The following TRAK1 variants were observed in gnomAD, a reference collection of about 807,000 sequenced individuals.
TRAK1 encodes the protein trafficking kinesin-binding protein 1.
Under a neutral mutation model 92.1 loss-of-function variants are expected in TRAK1, and 33 were observed. That is an observed-to-expected ratio of 0.36 (90% CI 0.27 to 0.48). The LOEUF is 0.48. Among genes scored for constraint, TRAK1 ranks in the 20% least tolerant of loss-of-function variants. The probability of loss-of-function intolerance (pLI) is 0.99; values close to 1 mark genes in which losing one functional copy is unlikely to be tolerated. For synonymous variants in TRAK1, 521 were observed against 517.3 expected (o/e 1.01, Z -0.10); for missense variants, 1,123 against 1,257.9 (o/e 0.89, Z 1.62).
At chr3:42,088,602 C>A (rs1053374690), upstream of TRAK1, among the ~76,000 whole-genome samples, 2 of 152,224 alleles carry the variant, frequency 1.3e-5, no homozygotes, top group East Asian at 1.9e-4. Context: ...TTTGCTTACT[C>A]TAGTTTTTCT....
intron 1 of TRAK1, among the ~76,000 whole-genome samples, chr3:42,095,565 A>G (rs1422321670): frequency 2.0e-5 from 3 of 152,228 alleles, no homozygotes; most frequent in African/African-American, 7.2e-5. Context: ...TTTTATGCAC[A>G]TATTCATTTT....
chr3:42,223,464 C>A lies in TRAK1; in HGVS notation c.2589C>A (p.Val863=). 1 of 1,613,968 alleles carries A rather than the reference C, an allele frequency of 6.2e-7. No individual in the cohort carries two copies. Among genetic ancestry groups the A allele is most frequent in the South Asian group, 1.1e-5 (1 of 91,078 alleles). The change falls in exon 16 of 16, where the codon GTC becomes GTA. Residue 863 remains valine, a synonymous_variant. Coordinates refer to ENST00000327628, the MANE Select transcript of TRAK1 (RefSeq NM_001042646.3). The surrounding 1 kb of genome is among the most constrained non-coding windows in gnomAD (Gnocchi z 6.1). Reference sequence around the variant, plus strand: ...TGGTGAACTCAGGGCGAGCCCATGTCCCCACCTTGACTGAGGAGCAGGGAC... The same window carrying A: ...TGGTGAACTCAGGGCGAGCCCATGTACCCACCTTGACTGAGGAGCAGGGAC... ...AKVVNSGRAH[V]PTLTEEQGPL...
intron 2 of TRAK1, among the ~76,000 whole-genome samples, chr3:42,170,759 TG>T (rs1176457113): frequency 2.6e-5 from 4 of 151,852 alleles, no homozygotes; most frequent in Non-Finnish European, 4.4e-5. Flanking sequence ...ATTAAAGAAA[TG>T]ACCTATATGT....
At chr3:42,063,845 A>G (rs2148928907) in intron 1 of TRAK1, among the ~76,000 whole-genome samples, 1 of 152,274 alleles carries the variant, frequency 6.6e-6, no homozygotes, top group South Asian at 2.1e-4. Flanking sequence ...TTTCCCCTTG[A>G]ATCTGCGTTG....
At chr3:42,140,768 G>A (rs1002305888) in intron 2 of TRAK1, among the ~76,000 whole-genome samples, 5 of 152,210 alleles carry the variant, frequency 3.3e-5, no homozygotes, top group African/African-American at 1.2e-4. Flanking sequence ...CCTCAAGGAC[G>A]GAAGGTTAGG....
At chr3:42,143,321 T>TTG (rs369475099) in intron 2 of TRAK1, among the ~76,000 whole-genome samples, 1 of 151,982 alleles carries the variant, frequency 6.6e-6, no homozygotes, top group Non-Finnish European at 1.5e-5. Flanking sequence ...TTTTTTTTTT[T>TTG]TCTTTCAAAT....
chr3:42,052,596 T>A (rs1703026272), intron 1 of TRAK1, among the ~76,000 whole-genome samples: 2 of 152,132 alleles, frequency 1.3e-5, no homozygotes, highest in Admixed American at 6.5e-5. Flanking sequence ...CATGATTCAG[T>A]CTTGAAGGAA....
At chr3:42,103,655 G>A (rs1031449301) in intron 1 of TRAK1, among the ~76,000 whole-genome samples, 8 of 152,148 alleles carry the variant, frequency 5.3e-5, no homozygotes, top group Non-Finnish European at 1.0e-4. Flanking sequence ...CAGCACTTTG[G>A]GAGGCTGAAG....
Position 42,096,903 on chromosome 3 carries a change from AATGC to A in TRAK1, c.91+5346_91+5349del, listed in dbSNP as rs1706012803. 2.0e-5 allele frequency among the ~76,000 whole-genome samples: 3 copies of A among 152,194 alleles called. 1 individual carries two copies. The South Asian group carries it at 6.2e-4, about 32-fold the overall frequency. On this transcript the variant is annotated intron_variant, in intron 1 of 15. Coordinates refer to ENST00000327628, the MANE Select transcript of TRAK1 (RefSeq NM_001042646.3). ...GGCTTAAACAGTGTGCAACAAGAAAAATGCATACAGTTTAAAGAATACACTTTGA... is the reference window on the plus strand; with the variant it reads ...GGCTTAAACAGTGTGCAACAAGAAAAATACAGTTTAAAGAATACACTTTGA...
intron 1 of TRAK1, among the ~76,000 whole-genome samples, chr3:42,092,435 A>G (rs771834518): frequency 7.9e-5 from 12 of 152,278 alleles, no homozygotes; most frequent in Non-Finnish European, 1.0e-4. Context: ...TACTGAGGCA[A>G]TCGTACTTAT....
At chr3:42,066,726 A>G (rs899558517) in intron 1 of TRAK1, among the ~76,000 whole-genome samples, 7 of 152,174 alleles carry the variant, frequency 4.6e-5, no homozygotes, top group Admixed American at 1.3e-4. Context: ...CTCTAAGGCC[A>G]TCTTGCCATC....
chr3:42,056,074 C>G (rs1321191486), intron 1 of TRAK1, among the ~76,000 whole-genome samples: 1 of 151,952 alleles, frequency 6.6e-6, no homozygotes, highest in East Asian at 1.9e-4. Context: ...TTAGTTTATC[C>G]TTTCATTAGT....
intron 4 of TRAK1, among the ~76,000 whole-genome samples, chr3:42,185,594 A>G (rs1376472769): frequency 2.6e-5 from 4 of 152,018 alleles, no homozygotes; most frequent in Admixed American, 6.6e-5. Flanking sequence ...GCTTCTTTCT[A>G]TCACTCTGTT....
intron 2 of TRAK1, among the ~76,000 whole-genome samples, chr3:42,171,924 T>TA (rs1468685482): frequency 5.9e-5 from 9 of 152,156 alleles, no homozygotes; most frequent in African/African-American, 2.2e-4. Context: ...CTGCTTTACT[T>TA]GTTTTCAGAC....
Position 42,136,692 on chromosome 3 carries a change from G to GT in TRAK1, c.286+11086dup, listed in dbSNP as rs771418344. 3.7e-4 allele frequency among the ~76,000 whole-genome samples: 56 copies of GT among 151,166 alleles called. 1 individual carries two copies. Among genetic ancestry groups the GT allele is most frequent in the South Asian group, 1.9e-3 (9 of 4,766 alleles). Reference sequence around the variant, plus strand: ...AATAACATTTCTTTTCTTTCTTTTTGTTTTTTTTGAGATGAAGTCTGGCTC... The same window carrying GT: ...AATAACATTTCTTTTCTTTCTTTTTGTTTTTTTTTGAGATGAAGTCTGGCTC... On this transcript the variant is annotated intron_variant, in intron 2 of 15. Transcript: ENST00000327628.
At position 42,102,899 on chromosome 3, in the gene TRAK1, G is replaced by A. The variant is rs1348914046; in HGVS notation, c.91+11339G>A. Among the ~76,000 whole-genome samples the A allele has an allele frequency of 3.9e-5, 6 of 152,122 alleles. No individual in the cohort carries two copies. The South Asian group carries it at 6.2e-4, about 16-fold the overall frequency. On this transcript the variant is annotated intron_variant, in intron 1 of 15. Transcript: ENST00000327628. ...CTCTGCTTCCTGCCTCTATCAGTACGTGTGCTCAGCAGGACTTACTTTCAC... is the reference window on the plus strand; with the variant it reads ...CTCTGCTTCCTGCCTCTATCAGTACATGTGCTCAGCAGGACTTACTTTCAC...
At chr3:42,065,070 CTG>C (rs1381555270) in intron 1 of TRAK1, among the ~76,000 whole-genome samples, 1 of 151,652 alleles carries the variant, frequency 6.6e-6, no homozygotes, top group East Asian at 1.9e-4. Flanking sequence ...GAGCAAGACT[CTG>C]TCTCAAAACA....
chr3:42,083,883 T>A (rs1039161133), upstream of TRAK1, among the ~76,000 whole-genome samples: 22 of 149,250 alleles, frequency 1.5e-4, no homozygotes, highest in Non-Finnish European at 2.7e-4. Flanking sequence ...AAAAAATAAA[T>A]AAATAAAATA....
intron 1 of TRAK1, among the ~76,000 whole-genome samples, chr3:42,095,973 G>A (rs1299118739): frequency 5.3e-5 from 8 of 152,200 alleles, no homozygotes; most frequent in Non-Finnish European, 8.8e-5. Context: ...GGTGCCATCC[G>A]TGAACCAGGA....
Sources: allele counts gnomAD v4.1 joint callset (sites outside exome capture counted in the v4.1 genomes callset), GRCh38; gene constraint gnomAD v4.1.1; non-coding constraint Gnocchi (gnomAD v3.1); transcripts MANE v1.5; gene names NCBI Gene and HGNC (gene_info 2026-07-23, HGNC 2026-07-21).